The following LRRC37A2 variants were observed in gnomAD, a reference collection of about 807,000 sequenced individuals.
LRRC37A2 encodes leucine rich repeat containing 37 member A2.
LRRC37A2 carries 9 observed loss-of-function variants against 68.8 expected under a neutral mutation model. That is an observed-to-expected ratio of 0.13 (90% confidence interval 0.08 to 0.23). The LOEUF (loss-of-function observed/expected upper bound fraction) is 0.23, where lower values mean the gene tolerates loss of function less well. Among genes scored for constraint, LRRC37A2 ranks in the 10% least tolerant of loss-of-function variants. The probability of loss-of-function intolerance (pLI) is 1.00; values close to 1 mark genes in which losing one functional copy is unlikely to be tolerated. For missense variants in LRRC37A2, 168 were observed against 950.4 expected (o/e 0.18, Z 10.82); for synonymous variants, 63 against 367.6 (o/e 0.17, Z 9.48).
chr17:46,806,930 C>G, the LRRC37A2 span, among the ~76,000 whole-genome samples: 1 of 152,156 alleles, frequency 6.6e-6, no homozygotes, highest in Non-Finnish European at 1.5e-5. Context: ...GTGGGTGCTA[C>G]CTGGGCACTC....
At chr17:46,869,843 A>G in the LRRC37A2 span, among the ~76,000 whole-genome samples, 1 of 151,962 alleles carries the variant, frequency 6.6e-6, no homozygotes, top group Non-Finnish European at 1.5e-5. Flanking sequence ...TACTAAAAAT[A>G]TGAAAATTAG....
intron 6 of LRRC37A2, among the ~76,000 whole-genome samples, chr17:46,530,413 A>G (rs2053517094): frequency 6.9e-6 from 1 of 145,024 alleles, no homozygotes; most frequent in East Asian, 2.0e-4. Flanking sequence ...TATTAGTGTT[A>G]CAAAACAAGT....
chr17:46,780,706 G>A, the LRRC37A2 span, among the ~76,000 whole-genome samples: 1 of 152,144 alleles, frequency 6.6e-6, no homozygotes, highest in East Asian at 1.9e-4. Flanking sequence ...GAACCTGGGA[G>A]GCAGAGCTTG....
chr17:46,878,859 G>A, the LRRC37A2 span, among the ~76,000 whole-genome samples: 1 of 152,204 alleles, frequency 6.6e-6, no homozygotes, highest in East Asian at 1.9e-4. Flanking sequence ...TGCTAACATG[G>A]ACACCCCAAG....
At chr17:46,914,650 CAAAAAAAAAAA>C in the LRRC37A2 span, among the ~76,000 whole-genome samples, 5 of 72,510 alleles carry the variant, frequency 6.9e-5, no homozygotes, top group African/African-American at 1.2e-4. Context: ...GACTCCACCT[CAAAAAAAAAAA>C]AAAAAAAAAA....
At chr17:46,672,251 CT>C in the LRRC37A2 span, among the ~76,000 whole-genome samples, 91 of 8,376 alleles carry the variant, frequency 0.011, 2 homozygotes, top group African/African-American at 0.033. Context: ...GAGGTGAAGT[CT>C]TTTTTTTTTT....
At chr17:46,499,338 T>A in the LRRC37A2 span, among the ~76,000 whole-genome samples, 7 of 118,828 alleles carry the variant, frequency 5.9e-5, no homozygotes, top group South Asian at 2.6e-4. Flanking sequence ...AAAAAAAAGG[T>A]GGGGGGACAA....
chr17:46,937,635 C>G, the LRRC37A2 span: 1 of 152,270 alleles, frequency 6.6e-6, no homozygotes, highest in South Asian at 2.1e-4. Flanking sequence ...ATTTATTTCA[C>G]CATAGATGAG....
chr17:47,037,552 T>C, the LRRC37A2 span, among the ~76,000 whole-genome samples: 17 of 152,244 alleles, frequency 1.1e-4, no homozygotes, highest in Non-Finnish European at 2.2e-4. Context: ...CATTTTTCCA[T>C]CTACATTCAT....
At chr17:46,897,648 GTTTTTTA>G in the LRRC37A2 span, among the ~76,000 whole-genome samples, 6 of 152,050 alleles carry the variant, frequency 3.9e-5, no homozygotes, top group Admixed American at 1.3e-4. Flanking sequence ...TTTATTTTTT[GTTTTTTA>G]TTTTTTATTT....
At chr17:46,774,736 C>T in the LRRC37A2 span, among the ~76,000 whole-genome samples, 1 of 152,152 alleles carries the variant, frequency 6.6e-6, no homozygotes, top group African/African-American at 2.4e-5. Context: ...AAAGAATGAC[C>T]TTATGGGGGT....
intron 6 of LRRC37A2, among the ~76,000 whole-genome samples, chr17:46,525,594 A>T (rs1336640544): frequency 1.3e-5 from 1 of 77,836 alleles, no homozygotes; most frequent in African/African-American, 4.4e-5. Flanking sequence ...CTCAAATAAT[A>T]ATAATAATAT....
the LRRC37A2 span, among the ~76,000 whole-genome samples, chr17:46,985,463 T>G: frequency 4.7e-5 from 7 of 147,686 alleles, no homozygotes; most frequent in East Asian, 1.4e-3. Context: ...GAGGTTGCAG[T>G]GAGCCAAGAT....
At chr17:46,880,994 C>T in the LRRC37A2 span, among the ~76,000 whole-genome samples, 65 of 152,314 alleles carry the variant, frequency 4.3e-4, 1 homozygote, top group African/African-American at 1.6e-3. Flanking sequence ...GAAGCACAGC[C>T]ATGCAGTGGT....
chr17:46,770,077 T>A, the LRRC37A2 span: 2 of 1,520,648 alleles, frequency 1.3e-6, no homozygotes, highest in South Asian at 2.5e-5. Context: ...GAGGCAGCAC[T>A]CAGGACCCGG....
At chr17:46,979,112 G>A in the LRRC37A2 span, 1 of 1,157,514 alleles carries the variant, frequency 8.6e-7, no homozygotes, top group Non-Finnish European at 1.1e-6. Context: ...ACCGGCTCCT[G>A]CGGTACGGGG....
chr17:46,840,661 CTGT>C, the LRRC37A2 span, among the ~76,000 whole-genome samples: 1 of 152,206 alleles, frequency 6.6e-6, no homozygotes. Context: ...TTTCCTGCAT[CTGT>C]TGTTTCCTGA....
the LRRC37A2 span, among the ~76,000 whole-genome samples, chr17:47,045,459 C>A: frequency 1.3e-5 from 2 of 150,548 alleles, no homozygotes; most frequent in South Asian, 4.2e-4. Context: ...ATTATAATGA[C>A]AAGGCCAAGG....
chr17:46,906,746 C>G, the LRRC37A2 span, among the ~76,000 whole-genome samples: 1 of 152,052 alleles, frequency 6.6e-6, no homozygotes, highest in African/African-American at 2.4e-5. Flanking sequence ...AGAGGTTAAG[C>G]AACTTACCCA....
Sources: gnomAD v4.1 joint callset for allele counts (sites outside exome capture counted in the v4.1 genomes callset) on GRCh38, gnomAD v4.1.1 for gene constraint, MANE v1.5 for transcripts, NCBI Gene and HGNC (gene_info 2026-07-23, HGNC 2026-07-21) for gene names.